The following PGPEP1 variants were observed in gnomAD, a reference collection of about 807,000 sequenced individuals.
The protein encoded by PGPEP1 is pyroglutamyl-peptidase I, also known as pyroglutamyl-peptidase 1.
In PGPEP1, 15 loss-of-function variants were observed where a neutral mutation model predicts 24.1. The ratio of observed to expected loss-of-function variants is 0.62; its 90% CI spans 0.42 to 0.96. The LOEUF (loss-of-function observed/expected upper bound fraction) is 0.96, where lower values mean the gene tolerates loss of function less well. Ranked by LOEUF, PGPEP1 falls within the 40% of genes least tolerant of loss-of-function variation. The pLI, the probability that PGPEP1 is intolerant of heterozygous loss-of-function variation, is 0.00. For synonymous variants in PGPEP1, 122 were observed against 116.4 expected, an observed-to-expected ratio of 1.05 and a Z score of -0.31; for missense variants, 242 against 273.4, an observed-to-expected ratio of 0.89 and a Z score of 0.81.
chr19:18,343,217 C>T (rs575695585), intron 2 of PGPEP1, among the ~76,000 whole-genome samples: 4 of 152,090 alleles, frequency 2.6e-5, no homozygotes, highest in African/African-American at 7.2e-5. Context: ...CCAGGCTGGT[C>T]TCGAACTCCT....
In PGPEP1 at chr19:18,368,504, A is replaced by G. The variant is rs1236353977; in HGVS notation, c.*4921A>G. ...GCTCGTTGCTGGCATAGAAACATCT[A>G]GAACAGAAAGTATCCACTCTGGGGC... On this transcript the variant is annotated 3_prime_UTR_variant, in exon 5 of 5. Transcript: ENST00000269919. 1 of 152,364 alleles carries G rather than the reference A, an allele frequency of 6.6e-6. No homozygotes were observed. The highest frequency in any genetic ancestry group is 1.5e-5 in the Non-Finnish European group (1 of 68,032). 9.4% of individuals were successfully genotyped at this position (152,364 alleles called of 1,614,324 possible).
At position 18,363,618 on chromosome 19, in the gene PGPEP1, G is replaced by A; in HGVS notation, c.*35G>A. 6.4e-7 allele frequency: 1 copy of A among 1,555,694 alleles called. No individual in the cohort carries two copies. ...AGGTCTCCTAAGACCTCATCCTGCT[G>A]GGGACCCCACGAGGGGACATCCACC... On this transcript the variant is annotated 3_prime_UTR_variant, in exon 5 of 5. Coordinates refer to ENST00000269919, the MANE Select transcript of PGPEP1 (RefSeq NM_017712.4).
intron 2 of PGPEP1, among the ~76,000 whole-genome samples, chr19:18,346,936 G>A (rs1970865498): frequency 6.6e-6 from 1 of 151,676 alleles, no homozygotes; most frequent in Non-Finnish European, 1.5e-5. Context: ...CACCGCACCC[G>A]GCTGTTTCTC....
In PGPEP1 at chr19:18,342,867, C is replaced by T. The variant is rs763233991; in HGVS notation, c.43C>T (p.Pro15Ser). ...RKAVVVTGFG[P>S]FGEHTVNASW... ...TTTTCCTGTTTTTTCAGGATTTGGC[C>T]CTTTTGGGGAACACACCGTGAACGC... Residue 15 changes from proline to serine, a missense_variant, in exon 2 of 5, where the codon CCT becomes TCT. Transcript: ENST00000269919. 8 of 1,613,298 alleles carry T rather than the reference C, an allele frequency of 5.0e-6. No individual in the cohort carries two copies. The South Asian group carries it at 8.8e-5, about 18-fold the overall frequency.
intron 4 of PGPEP1, among the ~76,000 whole-genome samples, chr19:18,358,622 C>A (rs1253351798): frequency 2.1e-5 from 3 of 139,920 alleles, no homozygotes; most frequent in East Asian, 2.2e-4. Flanking sequence ...AGGTGACATT[C>A]TTTTTTTTTT....
intron 4 of PGPEP1, among the ~76,000 whole-genome samples, chr19:18,360,857 G>T (rs1315365097): frequency 6.6e-6 from 1 of 151,760 alleles, no homozygotes; most frequent in Non-Finnish European, 1.5e-5. Flanking sequence ...TTTTGAGACT[G>T]CGTCTAGCTT....
At chr19:18,358,685 G>A (rs999303593) in intron 4 of PGPEP1, among the ~76,000 whole-genome samples, 2 of 151,630 alleles carry the variant, frequency 1.3e-5, no homozygotes, top group Non-Finnish European at 2.9e-5. Flanking sequence ...GCGCCATCTC[G>A]GCTCACTGCA....
In PGPEP1 at chr19:18,357,602, C is replaced by T; in HGVS notation, c.424C>T (p.Gln142Ter). 2 of 1,606,980 alleles carry T rather than the reference C, an allele frequency of 1.2e-6. No individual in the cohort carries two copies. Among genetic ancestry groups the T allele is most frequent in the Non-Finnish European group, 1.7e-6 (2 of 1,176,656 alleles). The change falls in exon 4 of 5, where the codon CAG becomes TAG. Residue 142 changes from glutamine (Q) to a stop codon, truncating the protein, a stop_gained. Coordinates refer to ENST00000269919, the MANE Select transcript of PGPEP1 (RefSeq NM_017712.4). LOFTEE classifies it high-confidence loss of function. ...CCTGGATGTGTCGGTGACCATCTCG[C>T]AGGATGCCGGCAGGTAGGGCCCTGT... is the stretch of plus-strand genomic sequence containing the variant. Reference protein sequence around the residue: ...LGLDVSVTISQDAGRYLCDFT... With the variant: ...LGLDVSVTIS
intron 2 of PGPEP1, 51 bp from the exon 3 acceptor site, chr19:18,355,844 C>G: frequency 8.8e-7 from 1 of 1,141,012 alleles, no homozygotes; most frequent in South Asian, 1.2e-5. Flanking sequence ...AGCGCATTAT[C>G]CCCATAGCTG....
At chr19:18,359,392 A>T (rs1453450641) in intron 4 of PGPEP1, among the ~76,000 whole-genome samples, 1 of 151,982 alleles carries the variant, frequency 6.6e-6, no homozygotes, top group African/African-American at 2.4e-5. Context: ...CTCCAGACAC[A>T]TGAACCAGCT....
At chr19:18,361,909 T>C in intron 4 of PGPEP1, 1 of 981,254 alleles carries the variant, frequency 1.0e-6, no homozygotes, top group Non-Finnish European at 1.2e-6. Flanking sequence ...GAGTTCTCCA[T>C]TTTTTTCTGG....
intron 2 of PGPEP1, among the ~76,000 whole-genome samples, chr19:18,347,064 CTT>C (rs887304980): frequency 6.8e-6 from 1 of 147,246 alleles, no homozygotes; most frequent in Non-Finnish European, 1.5e-5. Flanking sequence ...TTCTCGCTCT[CTT>C]TTTTTTTTGA....
chr19:18,356,327 G>A (rs1971185123), intron 3 of PGPEP1, among the ~76,000 whole-genome samples: 1 of 152,052 alleles, frequency 6.6e-6, no homozygotes, highest in Non-Finnish European at 1.5e-5. Flanking sequence ...CCAGCTACTC[G>A]GGAGGCTGAG....
intron 2 of PGPEP1, among the ~76,000 whole-genome samples, chr19:18,353,769 A>C (rs1040646125): frequency 1.3e-4 from 20 of 152,072 alleles, no homozygotes; most frequent in Non-Finnish European, 1.6e-4. Flanking sequence ...GGCTTCTCTC[A>C]CTCAGCATCA....
In PGPEP1 at chr19:18,355,888, C is replaced by T. The variant is rs1399292016; in HGVS notation, c.88-7C>T. The T allele has an allele frequency of 6.3e-7, 1 of 1,590,158 alleles. No homozygotes were observed. Among genetic ancestry groups the T allele is most frequent in the Non-Finnish European group, 8.6e-7 (1 of 1,158,638 alleles). ...GGCCATGACACTCCCACTCTCCTCT[C>T]TTCCAGGAGCTAGAAAAGCTAGGCC... is the stretch of plus-strand genomic sequence containing the variant. On this transcript the variant is annotated splice_polypyrimidine_tract_variant and splice_region_variant and intron_variant, in intron 2 of 4. Coordinates refer to ENST00000269919, the MANE Select transcript of PGPEP1 (RefSeq NM_017712.4).
chr19:18,355,961 CA>C lies in PGPEP1; in HGVS notation c.157del (p.Thr53GlnfsTer86). 2.5e-6 allele frequency: 4 copies of C among 1,613,604 alleles called. No individual in the cohort carries two copies. The highest frequency in any genetic ancestry group is 3.4e-6 in the Non-Finnish European group (4 of 1,179,634). On this transcript the variant is annotated frameshift_variant, in exon 3 of 5. Coordinates refer to ENST00000269919, the MANE Select transcript of PGPEP1 (RefSeq NM_017712.4). LOFTEE classifies it high-confidence loss of function. ...TGTGTACGAGATTCCGGTTGAGTAC[CA>C]AACAGTCCAGAGACTCATCCCCGCC... ...LHVYEIPVEY[Q>X]TVQRLIPALW...
rs758181416 is a variant in PGPEP1, at chr19:18,357,427, A to T, written c.249A>T (p.Thr83=). The change falls in exon 4 of 5, where the codon ACA becomes ACT. Residue 83 remains threonine (T), a synonymous_variant. Coordinates refer to ENST00000269919, the MANE Select transcript of PGPEP1 (RefSeq NM_017712.4). Reference sequence around the variant, plus strand: ...TGTCAGGCATGGCGACCACAGTCACACTGGAGAAATGTGGACACAACAAGG... The same window carrying T: ...TGTCAGGCATGGCGACCACAGTCACTCTGGAGAAATGTGGACACAACAAGG... ...VGVSGMATTV[T]LEKCGHNKGY... The T allele has an allele frequency of 5.0e-6, 8 of 1,613,936 alleles. No homozygotes were observed. The East Asian group carries it at 1.8e-4, about 36-fold the overall frequency.
Position 18,364,908 on chromosome 19 carries a change from G to A in PGPEP1, c.*1325G>A. On this transcript the variant is annotated 3_prime_UTR_variant, in exon 5 of 5. Transcript: ENST00000269919. Reference sequence around the variant, plus strand: ...CTGGAGCTTCAGGGTTTTGGTGCTGGGACGAGTTTGTTGTTCTCCTTAGCG... The same window carrying A: ...CTGGAGCTTCAGGGTTTTGGTGCTGAGACGAGTTTGTTGTTCTCCTTAGCG... 1 of 152,032 alleles carries A rather than the reference G, an allele frequency of 6.6e-6. No individual in the cohort carries two copies. Among genetic ancestry groups the A allele is most frequent in the South Asian group, 2.1e-4 (1 of 4,816 alleles). 9.4% of individuals were successfully genotyped at this position (152,032 alleles called of 1,614,324 possible).
intron 2 of PGPEP1, among the ~76,000 whole-genome samples, chr19:18,344,983 C>T (rs1318014753): frequency 6.6e-6 from 1 of 152,032 alleles, no homozygotes. Flanking sequence ...CTCTCCAGAC[C>T]TGCAGTTTCC....
Sources: gnomAD v4.1 joint callset for allele counts (sites outside exome capture counted in the v4.1 genomes callset) on GRCh38, gnomAD v4.1.1 for gene constraint, MANE v1.5 for transcripts, NCBI Gene and HGNC (gene_info 2026-07-23, HGNC 2026-07-21) for gene names.